The following ARHGEF37 variants were observed in gnomAD, a reference collection of about 807,000 sequenced individuals.
ARHGEF37 encodes the protein Rho guanine nucleotide exchange factor (GEF) 37.
In ARHGEF37, 55 loss-of-function variants were observed where a neutral mutation model predicts 71.1. The ratio of observed to expected loss-of-function variants is 0.77; its 90% CI spans 0.62 to 0.97. The LOEUF (loss-of-function observed/expected upper bound fraction) is 0.97. ARHGEF37 is among the 50% of genes least tolerant of loss of function. The probability of loss-of-function intolerance (pLI) is 0.00; values close to 1 mark genes in which losing one functional copy is unlikely to be tolerated. For missense variants in ARHGEF37, 765 were observed against 836.8 expected (o/e 0.91, Z 1.06); for synonymous variants, 327 against 350.6 (o/e 0.93, Z 0.75).
At chr5:149,567,957 A>C (rs1235175902) in intron 1 of ARHGEF37, among the ~76,000 whole-genome samples, 1 of 152,136 alleles carries the variant, frequency 6.6e-6, no homozygotes, top group Non-Finnish European at 1.5e-5. Context: ...GCAAACAGAT[A>C]TCTCTTCCTC....
At chr5:149,556,723 G>A (rs779709915) in intron 1 of ARHGEF37, among the ~76,000 whole-genome samples, 13 of 151,900 alleles carry the variant, frequency 8.6e-5, no homozygotes, top group African/African-American at 2.2e-4. Flanking sequence ...GAGTTTCTCC[G>A]TGTTGACCAG....
chr5:149,564,699 C>T (rs1265313195), intron 1 of ARHGEF37, among the ~76,000 whole-genome samples: 2 of 152,086 alleles, frequency 1.3e-5, no homozygotes, highest in Non-Finnish European at 2.9e-5. Context: ...TGGTGCATGC[C>T]TGTAATCCCA....
At chr5:149,604,998 A>C (rs1459770520) in intron 3 of ARHGEF37, among the ~76,000 whole-genome samples, 1 of 151,952 alleles carries the variant, frequency 6.6e-6, no homozygotes, top group Non-Finnish European at 1.5e-5. Flanking sequence ...AGGCTGAGGC[A>C]GATAGATCAC....
At chr5:149,620,724 A>G (rs1373767051) in intron 8 of ARHGEF37, among the ~76,000 whole-genome samples, 2 of 151,856 alleles carry the variant, frequency 1.3e-5, no homozygotes, top group Non-Finnish European at 2.9e-5. Flanking sequence ...CCAGCTACTC[A>G]GGAGGCTGAG....
At chr5:149,627,908 A>G (rs1227054986) in intron 11 of ARHGEF37, among the ~76,000 whole-genome samples, 2 of 152,232 alleles carry the variant, frequency 1.3e-5, no homozygotes, top group Non-Finnish European at 1.5e-5. Context: ...CCCCCTTCAG[A>G]CAGTGTATTA....
rs1763587639 is a variant in ARHGEF37 at position 149,597,778 on chromosome 5, G to A, written c.9G>A (p.Lys3=). The A allele has an allele frequency of 6.4e-7, 1 of 1,561,382 alleles. No individual in the cohort carries two copies. Among genetic ancestry groups the A allele is most frequent in the Admixed American group, 2.1e-5 (1 of 48,314 alleles). ...TCCCAGAACCTGCTGACATGGCCAA[G>A]CATGGAGCCGACGAGCCATCCTCCA... MA[K]HGADEPSSRS... is the part of the protein sequence containing the mutation. The change falls in exon 2 of 13, where the codon AAG becomes AAA. Residue 3 remains lysine, a synonymous_variant. Transcript: ENST00000333677.
At chr5:149,553,460 A>G (rs1206567717) in intron 1 of ARHGEF37, among the ~76,000 whole-genome samples, 1 of 151,806 alleles carries the variant, frequency 6.6e-6, no homozygotes, top group African/African-American at 2.4e-5. Flanking sequence ...AAGTTTAAGC[A>G]TCTTGAGTTT....
rs577638728 is a variant in ARHGEF37, at chr5:149,603,374, G to A, written c.310+2143G>A. Among the ~76,000 whole-genome samples, 3 of 152,210 alleles carry A rather than the reference G, an allele frequency of 2.0e-5. No homozygotes were observed. The South Asian group carries it at 6.2e-4, about 32-fold the overall frequency. On this transcript the variant is annotated intron_variant, in intron 3 of 12. Transcript: ENST00000333677. Reference sequence around the variant, plus strand: ...ACCATTATCTCATTTTACAGTTGAGGAATCTTTGGCACAGAGAGAGGCAAT... The same window carrying A: ...ACCATTATCTCATTTTACAGTTGAGAAATCTTTGGCACAGAGAGAGGCAAT...
At position 149,611,443 on chromosome 5, in the gene ARHGEF37, C is replaced by T. The variant is rs145420596; in HGVS notation, c.458+1748C>T. ...GTTCAGTGCTGGCATCTAGCTCAGACATTTAATAAACACTGTGTGTGGGAG... is the reference window on the plus strand; with the variant it reads ...GTTCAGTGCTGGCATCTAGCTCAGATATTTAATAAACACTGTGTGTGGGAG... On this transcript the variant is annotated intron_variant, in intron 4 of 12. Transcript: ENST00000333677. 2.9e-3 allele frequency among the ~76,000 whole-genome samples: 446 copies of T among 152,344 alleles called. 3 individuals are homozygous for T. The highest frequency in any genetic ancestry group is 0.01 in the African/African-American group (417 of 41,590).
At chr5:149,590,474 G>C (rs1031917118) in intron 1 of ARHGEF37, among the ~76,000 whole-genome samples, 1 of 151,874 alleles carries the variant, frequency 6.6e-6, no homozygotes, top group Non-Finnish European at 1.5e-5. Context: ...TAGAGACGAG[G>C]GTTCACCATG....
chr5:149,564,585 G>T (rs1157289815), intron 1 of ARHGEF37, among the ~76,000 whole-genome samples: 1 of 152,164 alleles, frequency 6.6e-6, no homozygotes, highest in Non-Finnish European at 1.5e-5. Flanking sequence ...AGCACTTTGG[G>T]AGGCCAAGGC....
chr5:149,629,129 G>T (rs1752799286), intron 12 of ARHGEF37, among the ~76,000 whole-genome samples, 163 bp downstream of exon 12: 1 of 152,222 alleles, frequency 6.6e-6, no homozygotes, highest in Non-Finnish European at 1.5e-5. Flanking sequence ...CCAGCCAGGA[G>T]TGGGACCTGA....
intron 2 of ARHGEF37, among the ~76,000 whole-genome samples, chr5:149,600,103 G>A (rs1026125754): frequency 1.3e-5 from 2 of 152,150 alleles, no homozygotes; most frequent in African/African-American, 4.8e-5. Flanking sequence ...GGCTATAAGT[G>A]TGTTCAGCAT....
At chr5:149,587,815 C>T (rs1763280667) in intron 1 of ARHGEF37, among the ~76,000 whole-genome samples, 2 of 151,542 alleles carry the variant, frequency 1.3e-5, no homozygotes, top group African/African-American at 4.9e-5. Context: ...ACTATGGTGT[C>T]TATCTTTATA....
chr5:149,595,574 G>A lies in ARHGEF37; in HGVS notation c.-11-2185G>A, dbSNP rs1763521896. 2.6e-5 allele frequency among the ~76,000 whole-genome samples: 4 copies of A among 152,092 alleles called. No individual in the cohort carries two copies. In the South Asian group the frequency reaches 8.3e-4, roughly 32 times the overall value. On this transcript the variant is annotated intron_variant, in intron 1 of 12. Coordinates refer to ENST00000333677, the MANE Select transcript of ARHGEF37 (RefSeq NM_001001669.3). ...TTTCTGTTTTGGCCTGTATCTGACT[G>A]GTTGGTTATCTGACACTCTTGGGGT...
chr5:149,616,687 T>A lies in ARHGEF37; in HGVS notation c.579T>A (p.Tyr193Ter). Residue 193 changes from tyrosine to a stop codon, truncating the protein, a stop_gained, in exon 5 of 13, where the codon TAT (tyrosine) becomes TAA (stop). Coordinates refer to ENST00000333677, the MANE Select transcript of ARHGEF37 (RefSeq NM_001001669.3). LOFTEE classifies it high-confidence loss of function. Reference protein sequence around the residue: ...LENTVPDASAYPVLQRAVSAL... With the variant: ...LENTVPDASA The stretch of plus-strand genomic sequence containing the variant: ...ACACAGTCCCTGATGCCAGTGCCTA[T>A]CCTGTCCTTCAGAGGGCTGTCTCTG... 6.2e-7 allele frequency: 1 copy of A among 1,614,034 alleles called. No homozygotes were observed. The highest frequency in any genetic ancestry group is 1.7e-5 in the Admixed American group (1 of 60,012).
chr5:149,561,557 G>C (rs1762830691), intron 1 of ARHGEF37, among the ~76,000 whole-genome samples: 1 of 152,146 alleles, frequency 6.6e-6, no homozygotes, highest in South Asian at 2.1e-4. Context: ...GATATGTCCT[G>C]ACAGGGAGGA....
intron 1 of ARHGEF37, among the ~76,000 whole-genome samples, chr5:149,590,372 C>T (rs772595502): frequency 6.0e-5 from 9 of 150,418 alleles, no homozygotes; most frequent in Non-Finnish European, 1.0e-4. Flanking sequence ...ACCTCTGCCT[C>T]CCGGGTTCAA....
chr5:149,592,478 G>A (rs550264231), intron 1 of ARHGEF37, among the ~76,000 whole-genome samples: 18 of 152,254 alleles, frequency 1.2e-4, no homozygotes, highest in Non-Finnish European at 2.5e-4. Flanking sequence ...TCAGCAGTTC[G>A]TTCCTTTTCA....
Sources: allele counts gnomAD v4.1 joint callset (sites outside exome capture counted in the v4.1 genomes callset), GRCh38; gene constraint gnomAD v4.1.1; transcripts MANE v1.5; gene names NCBI Gene and HGNC (gene_info 2026-07-23, HGNC 2026-07-21).